The following BRINP3 variants were observed in gnomAD, a reference collection of about 807,000 sequenced individuals.
BRINP3 encodes BMP/retinoic acid-inducible neural-specific protein 3.
In BRINP3, 19 loss-of-function variants were observed where a neutral mutation model predicts 71.0. That is an observed-to-expected ratio of 0.27 (90% CI 0.19 to 0.39). The LOEUF (loss-of-function observed/expected upper bound fraction) is 0.39. Among genes scored for constraint, BRINP3 ranks in the 10% least tolerant of loss-of-function variants. BRINP3 has a pLI of 1.00. For synonymous variants in BRINP3, 380 were observed against 337.7 expected, an observed-to-expected ratio of 1.13 and a Z score of -1.37; for missense variants, 959 against 940.8, an observed-to-expected ratio of 1.02 and a Z score of -0.25.
chr1:190,352,231 A>G (rs1263183974), intron 2 of BRINP3, among the ~76,000 whole-genome samples: 1 of 152,062 alleles, frequency 6.6e-6, no homozygotes, highest in Admixed American at 6.6e-5. Flanking sequence ...TTGACTACTG[A>G]AAATTTGTTT....
intron 7 of BRINP3, among the ~76,000 whole-genome samples, chr1:190,107,617 T>C (rs1317323613): frequency 6.6e-6 from 1 of 151,986 alleles, no homozygotes; most frequent in Non-Finnish European, 1.5e-5. Flanking sequence ...AATATACCAT[T>C]CCTGATAGTA....
intron 4 of BRINP3, among the ~76,000 whole-genome samples, chr1:190,258,435 A>T (rs1558118144): frequency 1.3e-5 from 2 of 152,226 alleles, no homozygotes; most frequent in African/African-American, 4.8e-5. Context: ...AAAACAACAA[A>T]ATACAGAAAA....
rs200009519 is a variant in BRINP3, at chr1:190,344,999, CA to C, written c.237-63250del. Among the ~76,000 whole-genome samples, 165 of 151,720 alleles carry C rather than the reference CA, an allele frequency of 1.1e-3. 5 individuals are homozygous for C. The East Asian group carries it at 0.027, about 25-fold the overall frequency. The stretch of plus-strand genomic sequence containing the variant: ...ATTGAATATGCATTACGTACATTGT[CA>C]AAAAAACTGTCACAAATGATTAATA... On this transcript the variant is annotated intron_variant, in intron 2 of 7. Transcript: ENST00000367462.
At chr1:190,175,861 T>C (rs1652458535) in intron 6 of BRINP3, among the ~76,000 whole-genome samples, 1 of 152,180 alleles carries the variant, frequency 6.6e-6, no homozygotes, top group Non-Finnish European at 1.5e-5. Flanking sequence ...TATTTCTTTC[T>C]CACATCACAT....
rs759437768 is a variant in BRINP3, at chr1:190,160,907, T to G, written c.962-17A>C. ...TGAATTCATCTGAAAAATGTCAAAA[T>G]TCAACACTTTAATTATGAAACAATT... On this transcript the variant is annotated splice_polypyrimidine_tract_variant and intron_variant, in intron 6 of 7. Coordinates refer to ENST00000367462, the MANE Select transcript of BRINP3 (RefSeq NM_199051.3). 1 of 1,540,036 alleles carries G rather than the reference T, an allele frequency of 6.5e-7. No homozygotes were observed. The highest frequency in any genetic ancestry group is 8.9e-7 in the Non-Finnish European group (1 of 1,126,290).
intron 7 of BRINP3, among the ~76,000 whole-genome samples, chr1:190,105,120 G>C (rs1455174424): frequency 6.6e-6 from 1 of 152,042 alleles, no homozygotes; most frequent in African/African-American, 2.4e-5. Context: ...TTCTGTCACT[G>C]TCTCTCCAGA....
chr1:190,327,087 G>T (rs1218611626), intron 2 of BRINP3, among the ~76,000 whole-genome samples: 1 of 151,144 alleles, frequency 6.6e-6, no homozygotes, highest in African/African-American at 2.4e-5. Flanking sequence ...AGGCCAAGGC[G>T]GGTGGATCAC....
At chr1:190,323,491 T>C (rs1410796794) in intron 2 of BRINP3, among the ~76,000 whole-genome samples, 1 of 151,804 alleles carries the variant, frequency 6.6e-6, no homozygotes, top group African/African-American at 2.4e-5. Flanking sequence ...TCTTGAGGAA[T>C]GAAGTGCATT....
intron 5 of BRINP3, among the ~76,000 whole-genome samples, chr1:190,229,841 G>A (rs976284390): frequency 4.7e-4 from 72 of 151,890 alleles, no homozygotes; most frequent in African/African-American, 1.6e-3. Context: ...ACTCAAAACA[G>A]AATTCAATAA....
chr1:190,388,218 G>C (rs1453803285), intron 2 of BRINP3, among the ~76,000 whole-genome samples: 1 of 151,674 alleles, frequency 6.6e-6, no homozygotes, highest in Admixed American at 6.6e-5. Flanking sequence ...AATATTTCAG[G>C]CAAAGTGAAA....
Position 190,162,626 on chromosome 1 carries a change from T to C in BRINP3, c.962-1736A>G, listed in dbSNP as rs541382640. On this transcript the variant is annotated intron_variant, in intron 6 of 7. Coordinates refer to ENST00000367462, the MANE Select transcript of BRINP3 (RefSeq NM_199051.3). ...CATTTCATTGTCATCTTTACTTGAATAGTTTTGAAAATCCTTTATTGTATT... is the reference window on the plus strand; with the variant it reads ...CATTTCATTGTCATCTTTACTTGAACAGTTTTGAAAATCCTTTATTGTATT... Among the ~76,000 whole-genome samples, 5 of 152,320 alleles carry C rather than the reference T, an allele frequency of 3.3e-5. No individual in the cohort carries two copies. In the East Asian group the frequency reaches 7.7e-4, roughly 24 times the overall value.
chr1:190,412,503 C>G (rs1165730339), intron 2 of BRINP3, among the ~76,000 whole-genome samples: 1 of 141,148 alleles, frequency 7.1e-6, no homozygotes, highest in Admixed American at 7.2e-5. Flanking sequence ...CGCTCTGTCG[C>G]CCAGGCTGGA....
intron 7 of BRINP3, among the ~76,000 whole-genome samples, chr1:190,150,117 A>C (rs1171734479): frequency 6.6e-6 from 1 of 151,926 alleles, no homozygotes; most frequent in Non-Finnish European, 1.5e-5. Context: ...CACCCTCTTG[A>C]TTTATAAAAC....
At position 190,260,070 on chromosome 1, in the gene BRINP3, CAAAA is replaced by C. The variant is rs35994123; in HGVS notation, c.618+4791_618+4794del. 9.8e-5 allele frequency among the ~76,000 whole-genome samples: 13 copies of C among 132,242 alleles called. No individual in the cohort carries two copies. In the East Asian group the frequency reaches 1.5e-3, roughly 15 times the overall value. The allele number at this position is 132,242 out of a possible 152,430, so 86.8% of individuals were successfully genotyped here. A position where few individuals can be genotyped will look rare whatever the true frequency, so the allele number is the denominator to read the frequency against. Reference sequence around the variant, plus strand: ...AAAAAAAGAAGCAACTTAAGAACCACAAAAAAAAAAAAGAAAAAGAAAAGGAAAG... The same window carrying C: ...AAAAAAAGAAGCAACTTAAGAACCACAAAAAAAAGAAAAAGAAAAGGAAAG... On this transcript the variant is annotated intron_variant, in intron 4 of 7. Coordinates refer to ENST00000367462, the MANE Select transcript of BRINP3 (RefSeq NM_199051.3).
At chr1:190,316,452 C>A (rs1665889214) in intron 2 of BRINP3, among the ~76,000 whole-genome samples, 1 of 151,928 alleles carries the variant, frequency 6.6e-6, no homozygotes, top group Non-Finnish European at 1.5e-5. Context: ...TGGGTTTGAA[C>A]AAGAATAAGT....
chr1:190,122,491 T>C (rs1008497917), intron 7 of BRINP3, among the ~76,000 whole-genome samples: 8 of 149,254 alleles, frequency 5.4e-5, no homozygotes, highest in East Asian at 4.0e-4. Context: ...CAGAGGCAGA[T>C]TGAAGTAATG....
chr1:190,405,137 TAATAAAAA>T (rs1672177104), intron 2 of BRINP3, among the ~76,000 whole-genome samples: 1 of 152,044 alleles, frequency 6.6e-6, no homozygotes, highest in Non-Finnish European at 1.5e-5. Context: ...TATTTTGTAG[TAATAAAAA>T]ATATTTTTAA....
intron 2 of BRINP3, among the ~76,000 whole-genome samples, chr1:190,414,871 T>C (rs1672914264): frequency 6.6e-6 from 1 of 152,218 alleles, no homozygotes; most frequent in African/African-American, 2.4e-5. Flanking sequence ...GCTGCTGTCA[T>C]GACATTTGTT....
rs1009846616 is a variant in BRINP3, at chr1:190,196,725, C to A, written c.961+29357G>T. Reference sequence around the variant, plus strand: ...AAGAAAATTTTCATGAAAAATTACCCTTTGTGTTTTAGAAACAATAATTTA... The same window carrying A: ...AAGAAAATTTTCATGAAAAATTACCATTTGTGTTTTAGAAACAATAATTTA... On this transcript the variant is annotated intron_variant, in intron 6 of 7. Transcript: ENST00000367462. 4.3e-4 allele frequency among the ~76,000 whole-genome samples: 66 copies of A among 151,802 alleles called. No individual in the cohort carries two copies. In the East Asian group the frequency reaches 7.4e-3, roughly 17 times the overall value.
Sources: allele counts gnomAD v4.1 joint callset (sites outside exome capture counted in the v4.1 genomes callset), GRCh38; gene constraint gnomAD v4.1.1; transcripts MANE v1.5; gene names NCBI Gene and HGNC (gene_info 2026-07-23, HGNC 2026-07-21).